The following FARS2 variants were observed in gnomAD, a reference collection of about 807,000 sequenced individuals.
FARS2 encodes phenylalanine--tRNA ligase, mitochondrial.
Under a neutral mutation model 46.4 loss-of-function variants are expected in FARS2, and 40 were observed. That is an observed-to-expected ratio of 0.86 (90% confidence interval 0.67 to 1.12). The LOEUF (loss-of-function observed/expected upper bound fraction) is 1.12, where lower values mean the gene tolerates loss of function less well. FARS2 is among the 50% of genes most tolerant of loss of function. The probability of loss-of-function intolerance (pLI) is 0.00; values close to 1 mark genes in which losing one functional copy is unlikely to be tolerated. For synonymous variants in FARS2, 234 were observed against 214.9 expected, an observed-to-expected ratio of 1.09 and a Z score of -0.78; for missense variants, 513 against 567.9, an observed-to-expected ratio of 0.90 and a Z score of 0.98.
rs147449857 is a variant in FARS2, at chr6:5,394,189, G to A, written c.613-10353G>A. ...ACATACACGCACACAGTCCTGCACC[G>A]CAAAACATTTCAGTTTTAGTATATA... On this transcript the variant is annotated intron_variant, in intron 2 of 6. Transcript: ENST00000274680. Among the ~76,000 whole-genome samples the A allele has an allele frequency of 4.0e-3, 603 of 152,262 alleles. 2 individuals carry two copies. The highest frequency in any genetic ancestry group is 0.014 in the African/African-American group (577 of 41,542).
intron 6 of FARS2, among the ~76,000 whole-genome samples, chr6:5,651,531 AAAAG>A (rs1457052041): frequency 1.3e-5 from 2 of 152,216 alleles, no homozygotes; most frequent in African/African-American, 4.8e-5. Flanking sequence ...TTGCAACAAA[AAAAG>A]CAAGGCAAGA....
chr6:5,569,999 T>C (rs1041797854), intron 5 of FARS2, among the ~76,000 whole-genome samples: 1 of 152,210 alleles, frequency 6.6e-6, no homozygotes, highest in African/African-American at 2.4e-5. Flanking sequence ...CTGGACTCTT[T>C]AAGGATCCTT....
chr6:5,763,457 C>CAAAT (rs779891530), intron 6 of FARS2, among the ~76,000 whole-genome samples: 74 of 152,168 alleles, frequency 4.9e-4, no homozygotes, highest in African/African-American at 8.4e-4. Flanking sequence ...GACCATGTCT[C>CAAAT]AAATAAATAA....
At chr6:5,474,807 C>T (rs2150329020) in intron 4 of FARS2, among the ~76,000 whole-genome samples, 1 of 151,950 alleles carries the variant, frequency 6.6e-6, no homozygotes, top group South Asian at 2.1e-4. Flanking sequence ...TTACAGGCAC[C>T]CGCCACCACG....
chr6:5,657,264 C>G (rs1323868981), intron 6 of FARS2, among the ~76,000 whole-genome samples: 1 of 152,076 alleles, frequency 6.6e-6, no homozygotes, highest in Non-Finnish European at 1.5e-5. Flanking sequence ...GAAGACTGAT[C>G]CTTGTATCTT....
intron 2 of FARS2, among the ~76,000 whole-genome samples, chr6:5,399,994 A>T (rs1581992892): frequency 6.6e-6 from 1 of 152,172 alleles, no homozygotes; most frequent in Non-Finnish European, 1.5e-5. Context: ...AAATGGAAGG[A>T]CTGGGTCAAG....
At chr6:5,612,222 C>T (rs1309817313) in intron 5 of FARS2, among the ~76,000 whole-genome samples, 1 of 152,196 alleles carries the variant, frequency 6.6e-6, no homozygotes, top group African/African-American at 2.4e-5. Flanking sequence ...AGATACTTTG[C>T]CATTTAAAAG....
At chr6:5,283,931 T>C (rs571581542) in intron 1 of FARS2, among the ~76,000 whole-genome samples, 1 of 152,318 alleles carries the variant, frequency 6.6e-6, no homozygotes, top group South Asian at 2.1e-4. Flanking sequence ...CAGGTATATA[T>C]GTAGGTTTAA....
chr6:5,607,922 C>A (rs6942133), intron 5 of FARS2, among the ~76,000 whole-genome samples: 49,105 of 150,588 alleles, frequency 0.33, 9,501 homozygotes, highest in African/African-American at 0.55. Flanking sequence ...AATGAGAGGT[C>A]ATATACCTTT....
intron 1 of FARS2, among the ~76,000 whole-genome samples, chr6:5,349,885 T>TG (rs1254464747): frequency 6.6e-6 from 1 of 151,964 alleles, no homozygotes; most frequent in Admixed American, 6.6e-5. Context: ...TTATATGTTT[T>TG]TTTTTTTTTT....
Position 5,519,355 on chromosome 6 carries a change from A to G in FARS2, c.905-25825A>G, listed in dbSNP as rs549961675. 5.3e-5 allele frequency among the ~76,000 whole-genome samples: 8 copies of G among 152,326 alleles called. No individual in the cohort carries two copies. The South Asian group carries it at 1.5e-3, about 28-fold the overall frequency. On this transcript the variant is annotated intron_variant, in intron 4 of 6. Transcript: ENST00000274680. ...CCAGATCACAGCTATATTTAGTTGCATTGAGGAGTAAATGAGAGTTGAGGA... is the reference window on the plus strand; with the variant it reads ...CCAGATCACAGCTATATTTAGTTGCGTTGAGGAGTAAATGAGAGTTGAGGA...
intron 5 of FARS2, among the ~76,000 whole-genome samples, chr6:5,548,567 T>G (rs1312555326): frequency 6.6e-6 from 1 of 152,242 alleles, no homozygotes; most frequent in East Asian, 1.9e-4. Flanking sequence ...ATATTGTCAG[T>G]TATTTAATCA....
At chr6:5,593,342 G>A (rs1276052340) in intron 5 of FARS2, among the ~76,000 whole-genome samples, 1 of 150,752 alleles carries the variant, frequency 6.6e-6, no homozygotes, top group Non-Finnish European at 1.5e-5. Context: ...AGAGGTGCAC[G>A]GCCGTACCCA....
chr6:5,260,980 G>C, upstream of FARS2: 3 of 1,187,106 alleles, frequency 2.5e-6, no homozygotes, highest in Admixed American at 9.4e-5. Context: ...TGCTGGGAGG[G>C]AGATGCCTCC....
At chr6:5,506,009 G>A (rs1222634877) in intron 4 of FARS2, among the ~76,000 whole-genome samples, 1 of 152,206 alleles carries the variant, frequency 6.6e-6, no homozygotes, top group African/African-American at 2.4e-5. Flanking sequence ...GAAAGAGAAT[G>A]TCAGCTTTAT....
intron 5 of FARS2, among the ~76,000 whole-genome samples, chr6:5,555,141 G>A (rs1253533333): frequency 6.6e-6 from 1 of 152,030 alleles, no homozygotes; most frequent in African/African-American, 2.4e-5. Context: ...GACATCTGAT[G>A]GGCTTATCAG....
At chr6:5,769,192 A>G (rs776887826) in intron 6 of FARS2, among the ~76,000 whole-genome samples, 12 of 152,158 alleles carry the variant, frequency 7.9e-5, no homozygotes, top group Non-Finnish European at 1.2e-4. Flanking sequence ...ATTCTTTTGC[A>G]TGTGGATATC....
At chr6:5,339,151 G>A (rs534290426) in intron 1 of FARS2, among the ~76,000 whole-genome samples, 102 of 152,210 alleles carry the variant, frequency 6.7e-4, no homozygotes, top group Non-Finnish European at 1.3e-3. Context: ...GTGTCCAGTG[G>A]CATGGCTATA....
chr6:5,426,662 C>T (rs2503831), intron 3 of FARS2, among the ~76,000 whole-genome samples: 1 of 152,108 alleles, frequency 6.6e-6, no homozygotes, highest in Non-Finnish European at 1.5e-5. Flanking sequence ...ACCTTACTCT[C>T]TCACCCAGGC....
Sources: gnomAD v4.1 joint callset for allele counts (sites outside exome capture counted in the v4.1 genomes callset) on GRCh38, gnomAD v4.1.1 for gene constraint, MANE v1.5 for transcripts, NCBI Gene and HGNC (gene_info 2026-07-23, HGNC 2026-07-21) for gene names.